SORBS2: variants seen among roughly 807,000 people sequenced by gnomAD.
SORBS2 encodes the protein sorbin and SH3 domain-containing protein 2.
SORBS2 carries 46 observed loss-of-function variants against 97.7 expected under a neutral mutation model. The observed-to-expected ratio is 0.47, with a 90% CI of 0.37 to 0.60. The LOEUF is 0.60. Ranked by LOEUF, SORBS2 falls within the 20% of genes least tolerant of loss-of-function variation. SORBS2 has a pLI of 0.00. For synonymous variants in SORBS2, 476 were observed against 473.4 expected, an observed-to-expected ratio of 1.01 and a Z score of -0.07; for missense variants, 1,316 against 1,282.3, an observed-to-expected ratio of 1.03 and a Z score of -0.40.
At chr4:185,593,791 T>G (rs2096016727) in intron 13 of SORBS2, 95 bp downstream of exon 25, 1 of 797,392 alleles carries the variant, frequency 1.3e-6, no homozygotes, top group African/African-American at 1.7e-5. Flanking sequence ...GTTTGATCTT[T>G]CACGTGCAAA....
rs548013625 is a variant in SORBS2, at chr4:185,844,011, T to G, written c.-337-68645A>C. ...TGTTGAAGACTGTACACTCTATGAG[T>G]ATATGAGATAACACATCCCTTCCTT... On this transcript the variant is annotated intron_variant, in intron 1 of 20. Transcript: ENST00000284776. Among the ~76,000 whole-genome samples, 102 of 152,114 alleles carry G rather than the reference T, an allele frequency of 6.7e-4. 1 individual carries two copies. The highest frequency in any genetic ancestry group is 1.0e-3 in the Non-Finnish European group (70 of 68,016).
Position 185,748,481 on chromosome 4 carries a change from T to A in SORBS2, c.-198+26746A>T, listed in dbSNP as rs185421143. Among the ~76,000 whole-genome samples, 3 of 152,222 alleles carry A rather than the reference T, an allele frequency of 2.0e-5. No homozygotes were observed. The East Asian group carries it at 5.8e-4, about 29-fold the overall frequency. ...CGAGCTGGGAAGTAGGGCTCTGAAA[T>A]CTTGAAGGACTGCCTAAGCCCCCCC... On this transcript the variant is annotated intron_variant, in intron 2 of 20. Coordinates refer to the SORBS2 transcript ENST00000284776.
intron 1 of SORBS2, among the ~76,000 whole-genome samples, chr4:185,806,616 C>T (rs1453355264): frequency 6.6e-6 from 1 of 151,392 alleles, no homozygotes; most frequent in Non-Finnish European, 1.5e-5. Context: ...CGCCACTACG[C>T]CCGGCTAATT....
At chr4:185,772,732 G>C (rs2098978559) in intron 2 of SORBS2, 1 of 152,172 alleles carries the variant, frequency 6.6e-6, no homozygotes, top group Admixed American at 6.5e-5. Context: ...AGTTTACTGG[G>C]GGAAAACGTG....
At chr4:185,901,375 T>C (rs1427108634) in intron 1 of SORBS2, among the ~76,000 whole-genome samples, 1 of 152,074 alleles carries the variant, frequency 6.6e-6, no homozygotes, top group Non-Finnish European at 1.5e-5. Flanking sequence ...GCTAATTTTT[T>C]GTATTTTTAG....
chr4:185,693,170 G>A (rs1323543154), intron 2 of SORBS2, among the ~76,000 whole-genome samples: 2 of 152,086 alleles, frequency 1.3e-5, no homozygotes, highest in Non-Finnish European at 2.9e-5. Context: ...AATGATTGAG[G>A]GAAATTTTAT....
chr4:185,882,906 C>T (rs1487344354), intron 1 of SORBS2, among the ~76,000 whole-genome samples: 3 of 151,986 alleles, frequency 2.0e-5, no homozygotes, highest in African/African-American at 7.2e-5. Flanking sequence ...CAAATGAACT[C>T]AAGTGGATCA....
At chr4:185,910,458 C>G (rs931250240) in intron 1 of SORBS2, among the ~76,000 whole-genome samples, 2 of 152,202 alleles carry the variant, frequency 1.3e-5, no homozygotes, top group African/African-American at 2.4e-5. Context: ...CATTCCTCTC[C>G]TGTCCTCCCT....
intron 2 of SORBS2, among the ~76,000 whole-genome samples, chr4:185,695,675 C>G (rs1008341980): frequency 6.6e-6 from 1 of 152,178 alleles, no homozygotes; most frequent in South Asian, 2.1e-4. Context: ...ATGCATCTCT[C>G]TCTATCTCTG....
chr4:185,942,161 C>T (rs956098181), intron 1 of SORBS2, among the ~76,000 whole-genome samples: 1 of 152,000 alleles, frequency 6.6e-6, no homozygotes, highest in African/African-American at 2.4e-5. Flanking sequence ...AAGCAAGATA[C>T]TGATGAAAAT....
intron 2 of SORBS2, among the ~76,000 whole-genome samples, chr4:185,767,079 A>T (rs1446591540): frequency 6.6e-6 from 1 of 152,104 alleles, no homozygotes; most frequent in Non-Finnish European, 1.5e-5. Context: ...TGGCACATTC[A>T]TGTCTTTCTC....
chr4:185,945,468 A>G (rs1203275375), intron 1 of SORBS2, among the ~76,000 whole-genome samples: 2 of 152,256 alleles, frequency 1.3e-5, no homozygotes, highest in Admixed American at 1.3e-4. Context: ...AGAATGAAAA[A>G]TGATGATGAT....
chr4:185,855,067 T>C (rs2099220046), intron 1 of SORBS2, among the ~76,000 whole-genome samples: 1 of 152,348 alleles, frequency 6.6e-6, no homozygotes, highest in South Asian at 2.1e-4. Context: ...AATGGTTTAT[T>C]TGCCTCTGTA....
intron 4 of SORBS2, among the ~76,000 whole-genome samples, chr4:185,642,176 T>A (rs2097137469): frequency 6.6e-6 from 1 of 152,204 alleles, no homozygotes; most frequent in Non-Finnish European, 1.5e-5. Context: ...ATGAAACTCC[T>A]TAAATTTTTA....
At chr4:185,854,507 T>C (rs2099219623) in intron 1 of SORBS2, among the ~76,000 whole-genome samples, 1 of 152,240 alleles carries the variant, frequency 6.6e-6, no homozygotes, top group Admixed American at 6.5e-5. Context: ...GGGATATTCT[T>C]AGCATTGAAT....
intron 1 of SORBS2, among the ~76,000 whole-genome samples, chr4:185,829,210 T>A (rs1294788293): frequency 6.6e-6 from 1 of 152,158 alleles, no homozygotes; most frequent in African/African-American, 2.4e-5. Context: ...GGCCCCTCTA[T>A]ACATGTGGTC....
In SORBS2 at chr4:185,606,071, C is replaced by A; in HGVS notation, c.2796+5709G>T. On this transcript the variant is annotated intron_variant, in intron 12 of 14. Coordinates refer to ENST00000418609, the Ensembl canonical transcript of SORBS2. This position sits in a 1 kb window ranked among gnomAD's most constrained non-coding sequence, Gnocchi z 4.3. ...AAGTGCTGTTTTTCTTTTCTGTTGT[C>A]TTTGTTTATTATTAGCATTATTATT... 1 of 984,724 alleles carries A rather than the reference C, an allele frequency of 1.0e-6. No homozygotes were observed. The allele number at this position is 984,724 out of a possible 1,614,324, so 61.0% of individuals were successfully genotyped here.
chr4:185,696,511 A>T (rs2098176868), intron 2 of SORBS2, among the ~76,000 whole-genome samples: 1 of 152,042 alleles, frequency 6.6e-6, no homozygotes, highest in Admixed American at 6.5e-5. Flanking sequence ...CTGGAGTGCA[A>T]TGATGCGATC....
chr4:185,737,593 C>T (rs56110010), intron 2 of SORBS2, among the ~76,000 whole-genome samples: 21,934 of 152,096 alleles, frequency 0.14, 1,651 homozygotes, highest in Middle Eastern at 0.23. Context: ...ACCCTGCTTT[C>T]GGAGCATAGG....
Sources: allele counts gnomAD v4.1 joint callset (sites outside exome capture counted in the v4.1 genomes callset), GRCh38; gene constraint gnomAD v4.1.1; non-coding constraint Gnocchi (gnomAD v3.1); transcripts MANE v1.5; gene names NCBI Gene and HGNC (gene_info 2026-07-23, HGNC 2026-07-21).